BCL9L: variants seen among roughly 807,000 people sequenced by gnomAD.
BCL9L encodes the protein BCL9 like, also known as B-cell CLL/lymphoma 9-like protein.
In BCL9L, 19 loss-of-function variants were observed where a neutral mutation model predicts 99.4. That is an observed-to-expected ratio of 0.19 (90% CI 0.13 to 0.28). The LOEUF (loss-of-function observed/expected upper bound fraction) is 0.28, where lower values mean the gene tolerates loss of function less well. Among genes scored for constraint, BCL9L ranks in the 10% least tolerant of loss-of-function variants. The pLI is 1.00. For missense variants in BCL9L, 2,023 were observed against 2,101.6 expected (o/e 0.96, Z 0.73); for synonymous variants, 900 against 854.8 (o/e 1.05, Z -0.92).
intron 1 of BCL9L, among the ~76,000 whole-genome samples, chr11:118,919,812 G>A (rs1266008172): frequency 2.6e-5 from 4 of 152,296 alleles, no homozygotes; most frequent in South Asian, 2.1e-4. Context: ...ACATGGCCCC[G>A]TCTGGCACTG....
rs1320427206 is a variant in BCL9L, at chr11:118,898,570, G to C, written c.4345C>G (p.Pro1449Ala). 6.2e-7 allele frequency: 1 copy of C among 1,608,910 alleles called. No individual in the cohort carries two copies. The highest frequency in any genetic ancestry group is 1.3e-5 in the African/African-American group (1 of 74,880). ...RGVGGEVYSQ[P>A]PHMLSPQGSL... Reference sequence around the variant, plus strand: ...CCCTGCGGGGAGAGCATGTGGGGCGGCTGGCTGTAGACCTCGCCCCCCACG... The same window carrying C: ...CCCTGCGGGGAGAGCATGTGGGGCGCCTGGCTGTAGACCTCGCCCCCCACG... Residue 1449 changes from proline to alanine, a missense_variant, in exon 10 of 10, where the codon CCG becomes GCG. Physicochemically the swap from Pro to Ala is conservative, Grantham distance 27. Transcript: ENST00000683865.
At position 118,901,025 on chromosome 11, in the gene BCL9L, T is replaced by C. The variant is rs1591978221; in HGVS notation, c.2718A>G (p.Pro906=). 1 of 1,567,612 alleles carries C rather than the reference T, an allele frequency of 6.4e-7. No individual in the cohort carries two copies. The highest frequency in any genetic ancestry group is 2.3e-5 in the East Asian group (1 of 44,416). ...SNPPGTVHSA[P]NRGLGRRPSD... is the part of the protein sequence containing the mutation. ...AAGGCCGCCTGCCTAGCCCCCGGTT[T>C]GGGGCTGAATGCACGGTCCCAGGAG... The change falls in exon 8 of 10, where the codon CCA becomes CCG. Residue 906 remains proline, a synonymous_variant. Transcript: ENST00000683865. This position sits in a 1 kb window ranked among gnomAD's most constrained non-coding sequence, Gnocchi z 6.6.
intron 5 of BCL9L, among the ~76,000 whole-genome samples, chr11:118,904,758 G>C (rs1181114560): frequency 6.6e-6 from 1 of 152,150 alleles, no homozygotes; most frequent in Non-Finnish European, 1.5e-5. Context: ...CCTTCCCATG[G>C]GCCCAGTGTC....
intron 2 of BCL9L, among the ~76,000 whole-genome samples, chr11:118,917,932 G>A (rs1191717407): frequency 1.3e-5 from 2 of 152,226 alleles, no homozygotes; most frequent in East Asian, 3.9e-4. Flanking sequence ...GGTCAAGTGG[G>A]ACTCACCGGT....
chr11:118,898,634 G>A lies in BCL9L; in HGVS notation c.4281C>T (p.Leu1427=), dbSNP rs1299001733. 2.0e-5 allele frequency: 32 copies of A among 1,612,570 alleles called. No individual in the cohort carries two copies. The highest frequency in any genetic ancestry group is 2.4e-5 in the Non-Finnish European group (28 of 1,179,774). The change falls in exon 10 of 10, where the codon CTC becomes CTT. Residue 1427 remains leucine, a synonymous_variant. Coordinates refer to ENST00000683865, the MANE Select transcript of BCL9L (RefSeq NM_001378213.1). ...HQGVMSPPQG[L]MTQQNFMLMK... ...TCAGCATGAAATTCTGCTGGGTCAT[G>A]AGGCCTTGTGGAGGGGACATGACCC... is the stretch of plus-strand genomic sequence containing the variant.
Position 118,900,352 on chromosome 11 carries a change from C to T in BCL9L, c.3125-154G>A, listed in dbSNP as rs1940163199. Among the ~76,000 whole-genome samples the T allele has an allele frequency of 6.6e-6, 1 of 152,130 alleles. No individual in the cohort carries two copies. Among genetic ancestry groups the T allele is most frequent in the African/African-American group, 2.4e-5 (1 of 41,408 alleles). Reference sequence around the variant, plus strand: ...GGCCCCCACTATCTCCAGAGCCCACCAGTCTTCAAGCAATTCCTGCAGCCT... The same window carrying T: ...GGCCCCCACTATCTCCAGAGCCCACTAGTCTTCAAGCAATTCCTGCAGCCT... On this transcript the variant is annotated intron_variant, in intron 8 of 9. Transcript: ENST00000683865. The surrounding 1 kb of genome is among the most constrained non-coding windows in gnomAD (Gnocchi z 5.3).
chr11:118,915,445 G>A (rs924798165), intron 2 of BCL9L, among the ~76,000 whole-genome samples: 3 of 152,202 alleles, frequency 2.0e-5, no homozygotes, highest in Non-Finnish European at 4.4e-5. Flanking sequence ...AACAGGGCCT[G>A]TGGGCATCAT....
At chr11:118,920,067 ACCT>A (rs995816844) in intron 1 of BCL9L, among the ~76,000 whole-genome samples, 1 of 151,892 alleles carries the variant, frequency 6.6e-6, no homozygotes, top group Admixed American at 6.6e-5. Flanking sequence ...CCTTATGTCC[ACCT>A]CCTGCTGCTG....
chr11:118,903,165 C>T lies in BCL9L; in HGVS notation c.749+71G>A. On this transcript the variant is annotated intron_variant, in intron 6 of 9. Coordinates refer to ENST00000683865, the MANE Select transcript of BCL9L (RefSeq NM_001378213.1). This position sits in a 1 kb window ranked among gnomAD's most constrained non-coding sequence, Gnocchi z 5.6. Reference sequence around the variant, plus strand: ...CCCACCCTGCCCCTGCACGGGGCTCCCTCGGAACCCCAGGCTGAGAGGTGC... The same window carrying T: ...CCCACCCTGCCCCTGCACGGGGCTCTCTCGGAACCCCAGGCTGAGAGGTGC... The T allele has an allele frequency of 6.4e-7, 1 of 1,559,326 alleles. No homozygotes were observed. The highest frequency in any genetic ancestry group is 8.7e-7 in the Non-Finnish European group (1 of 1,151,276).
rs984974050 is a variant in BCL9L at position 118,897,872 on chromosome 11, C to T, written c.*543G>A. The T allele has an allele frequency of 1.5e-5, 7 of 456,810 alleles. No homozygotes were observed. The highest frequency in any genetic ancestry group is 6.9e-5 in the East Asian group (1 of 14,400). 28.3% of individuals were successfully genotyped at this position (456,810 alleles called of 1,614,324 possible). A position where few individuals can be genotyped will look rare whatever the true frequency, so the allele number is the denominator to read the frequency against. Reference sequence around the variant, plus strand: ...GCTGGCACCTGCCCACCTGGCCAGCCGCCTGCAGGGAGGGGTGGGAGAGGG... The same window carrying T: ...GCTGGCACCTGCCCACCTGGCCAGCTGCCTGCAGGGAGGGGTGGGAGAGGG... On this transcript the variant is annotated 3_prime_UTR_variant, in exon 10 of 10. Transcript: ENST00000683865.
Position 118,910,354 on chromosome 11 carries a change from C to T in BCL9L, c.-76-339G>A, listed in dbSNP as rs538779227. On this transcript the variant is annotated intron_variant, in intron 2 of 9. Transcript: ENST00000683865. ...CCTGAGGGATTCCTGCTCCCAGACG[C>T]GCCCCTCACCCAGGGTGGGGTACCC... 279 of 177,834 alleles carry T rather than the reference C, an allele frequency of 1.6e-3. 1 individual carries two copies. The highest frequency in any genetic ancestry group is 6.1e-3 in the African/African-American group (264 of 43,026). 11.0% of individuals were successfully genotyped at this position (177,834 alleles called of 1,614,324 possible). A position where few individuals can be genotyped will look rare whatever the true frequency, so the allele number is the denominator to read the frequency against.
At chr11:118,918,060 G>T (rs186418307) in intron 2 of BCL9L, among the ~76,000 whole-genome samples, 1,563 of 152,304 alleles carry the variant, frequency 0.01, 10 homozygotes, top group Admixed American at 0.019. Context: ...TCCCTTGGGG[G>T]GTGGCTTCAG....
At chr11:118,920,694 G>A (rs1941112648) in intron 1 of BCL9L, among the ~76,000 whole-genome samples, 1 of 152,148 alleles carries the variant, frequency 6.6e-6, no homozygotes, top group African/African-American at 2.4e-5. Context: ...AGAAGAGGTG[G>A]ACAGGTGGTA....
chr11:118,896,302 T>C lies in BCL9L; in HGVS notation c.*2113A>G, dbSNP rs1939917210. ...ATATTTATATTTATATATATATTTA[T>C]ATAATGGTACAAAATGGCTGGGGGT... On this transcript the variant is annotated 3_prime_UTR_variant, in exon 10 of 10. Transcript: ENST00000683865. 1 of 160,132 alleles carries C rather than the reference T, an allele frequency of 6.2e-6. No homozygotes were observed. Among genetic ancestry groups the C allele is most frequent in the Non-Finnish European group, 1.5e-5 (1 of 67,956 alleles). The allele number at this position is 160,132 out of a possible 1,614,324, so 9.9% of individuals were successfully genotyped here. A position where few individuals can be genotyped will look rare whatever the true frequency, so the allele number is the denominator to read the frequency against.
rs377431418 is a variant in BCL9L, at chr11:118,900,963, G to A, written c.2780C>T (p.Pro927Leu). The change falls in exon 8 of 10, where the codon CCG becomes CTG. Residue 927 changes from proline to leucine, a missense_variant. Coordinates refer to ENST00000683865, the MANE Select transcript of BCL9L (RefSeq NM_001378213.1). The surrounding 1 kb of genome is among the most constrained non-coding windows in gnomAD (Gnocchi z 5.3). ...GGGCGACTTCAAGTGCCCCATGCCCGGTGAGCCCATCTGATTAATACTGAT... is the reference window on the plus strand; with the variant it reads ...GGGCGACTTCAAGTGCCCCATGCCCAGTGAGCCCATCTGATTAATACTGAT... ...LTISINQMGSPGMGHLKSPTL... is the reference protein window; with the variant it reads ...LTISINQMGSLGMGHLKSPTL... 1.5e-5 allele frequency: 23 copies of A among 1,552,496 alleles called. 1 individual carries two copies. Among genetic ancestry groups the A allele is most frequent in the South Asian group, 6.2e-5 (5 of 80,776 alleles).
chr11:118,912,271 C>T (rs957090733), intron 2 of BCL9L, among the ~76,000 whole-genome samples: 1 of 152,200 alleles, frequency 6.6e-6, no homozygotes, highest in Admixed American at 6.5e-5. Flanking sequence ...AGTACCAGGC[C>T]AGGGGCCCTT....
chr11:118,918,081 C>A (rs575197579), intron 2 of BCL9L, among the ~76,000 whole-genome samples: 3 of 152,242 alleles, frequency 2.0e-5, no homozygotes, highest in Middle Eastern at 3.4e-3. Context: ...TGGAGAGGTT[C>A]GGGGCTGAGG....
intron 2 of BCL9L, among the ~76,000 whole-genome samples, chr11:118,916,753 G>A (rs143855645): frequency 4.6e-5 from 7 of 152,330 alleles, no homozygotes; most frequent in African/African-American, 1.7e-4. Context: ...GAAATGCCCA[G>A]GCACGGCACA....
At position 118,925,609 on chromosome 11, in the gene BCL9L, C is replaced by T. The variant is rs1451161647; in HGVS notation, c.-502G>A. On this transcript the variant is annotated 5_prime_UTR_variant, in exon 1 of 10. Coordinates refer to ENST00000683865, the MANE Select transcript of BCL9L (RefSeq NM_001378213.1). This position sits in a 1 kb window ranked among gnomAD's most constrained non-coding sequence, Gnocchi z 6.4. ...CCTTGCTTGCTTGCTTGCTTCCTTC[C>T]TTCCTTCCTCGCCTCTCCTTTCCTT... The T allele has an allele frequency of 3.5e-3, 1 of 286 alleles. No homozygotes were observed. The highest frequency in any genetic ancestry group is 0.1 in the South Asian group (1 of 10). 0.0% of individuals were successfully genotyped at this position (286 alleles called of 1,614,324 possible).
Sources: gnomAD v4.1 joint callset for allele counts (sites outside exome capture counted in the v4.1 genomes callset) on GRCh38, gnomAD v4.1.1 for gene constraint, Gnocchi (gnomAD v3.1) non-coding constraint, MANE v1.5 for transcripts, NCBI Gene and HGNC (gene_info 2026-07-23, HGNC 2026-07-21) for gene names.